Variants in STK38 observed in about 807,000 individuals in gnomAD.
STK38 encodes serine/threonine kinase 38.
In STK38, 26 loss-of-function variants were observed where a neutral mutation model predicts 59.0. That is an observed-to-expected ratio of 0.44 (90% CI 0.32 to 0.61). The LOEUF is 0.61. Among genes scored for constraint, STK38 ranks in the 20% least tolerant of loss-of-function variants. STK38 has a pLI of 0.04. For synonymous variants in STK38, 175 were observed against 176.6 expected, an observed-to-expected ratio of 0.99 and a Z score of 0.07; for missense variants, 433 against 566.0, an observed-to-expected ratio of 0.76 and a Z score of 2.38.
intron 2 of STK38, among the ~76,000 whole-genome samples, chr6:36,527,421 G>A (rs1340669888): frequency 6.7e-6 from 1 of 149,068 alleles, no homozygotes; most frequent in African/African-American, 2.5e-5. Context: ...CATAGTGACA[G>A]GTGCCTGTAA....
Position 36,498,462 on chromosome 6 carries a change from G to A in STK38, c.977C>T (p.Thr326Ile). 2 of 1,612,512 alleles carry A rather than the reference G, an allele frequency of 1.2e-6. No individual in the cohort carries two copies. The highest frequency in any genetic ancestry group is 2.2e-5 in the East Asian group (1 of 44,856). ...LIGYPPFCSE[T>I]PQETYKKVMN... ...CACCTTCTTATATGTCTCTTGAGGG[G>A]TCTCAGAACAGAAAGGTGGGTAGCC... Residue 326 changes from threonine (T) to isoleucine (I), a missense_variant, in exon 11 of 14, where the codon ACC becomes ATC. Physicochemically the swap from Thr to Ile is moderately conservative, Grantham distance 89. This residue lies in a region of STK38 where 4 missense variants were observed against 21.2 expected (regional missense o/e 0.19). Transcript: ENST00000229812.
chr6:36,541,616 A>C (rs1385110592), intron 1 of STK38, among the ~76,000 whole-genome samples: 1 of 152,204 alleles, frequency 6.6e-6, no homozygotes, highest in Non-Finnish European at 1.5e-5. Flanking sequence ...AATATGTCCA[A>C]ATAGTTAATG....
At chr6:36,506,796 G>A (rs999531108) in intron 8 of STK38, 152 bp from the exon 9 acceptor site, 47 of 666,644 alleles carry the variant, frequency 7.1e-5, no homozygotes, top group Admixed American at 1.2e-4. Flanking sequence ...ATCCTAGTAC[G>A]TTTACAGTAA....
At chr6:36,540,002 A>G (rs1561994143) in intron 2 of STK38, 70 bp downstream of exon 2, 21 of 1,592,610 alleles carry the variant, frequency 1.3e-5, no homozygotes, top group Admixed American at 8.5e-5. Context: ...TTTCAGCATT[A>G]TAAGTGTTTT....
At chr6:36,527,207 A>AAAAAATATAT (rs60162863) in intron 2 of STK38, among the ~76,000 whole-genome samples, 110 of 119,338 alleles carry the variant, frequency 9.2e-4, no homozygotes, top group Middle Eastern at 8.3e-3. Context: ...AAAAAAAAAA[A>AAAAAATATAT]ATATATGTAT....
chr6:36,505,024 G>A (rs1776932226), intron 9 of STK38, among the ~76,000 whole-genome samples: 1 of 152,056 alleles, frequency 6.6e-6, no homozygotes, highest in Non-Finnish European at 1.5e-5. Flanking sequence ...AACAACGCAG[G>A]AGCTATTATT....
rs150687852 is a variant in STK38, at chr6:36,539,083, A to T, written c.131+989T>A. Among the ~76,000 whole-genome samples the T allele has an allele frequency of 3.6e-3, 529 of 148,866 alleles. 1 individual carries two copies. The highest frequency in any genetic ancestry group is 0.012 in the African/African-American group (498 of 40,090). On this transcript the variant is annotated intron_variant, in intron 2 of 13. Transcript: ENST00000229812. ...CTTTCATAGTAAAATATTGGGAAAA[A>T]TTTTTTTTTAATTATGAGTTACAGC...
At chr6:36,526,299 A>C (rs1777512861) in intron 2 of STK38, among the ~76,000 whole-genome samples, 1 of 149,600 alleles carries the variant, frequency 6.7e-6, no homozygotes, top group Admixed American at 6.7e-5. Flanking sequence ...CTCTTATATC[A>C]TGCTGTTTCT....
At chr6:36,545,800 G>A (rs1778042161) in intron 1 of STK38, among the ~76,000 whole-genome samples, 1 of 152,176 alleles carries the variant, frequency 6.6e-6, no homozygotes, top group Non-Finnish European at 1.5e-5. Flanking sequence ...ATAGGTGGCT[G>A]AGGAATTCTT....
chr6:36,521,603 TTATA>T, intron 5 of STK38, 127 bp downstream of exon 5: 1 of 502,466 alleles, frequency 2.0e-6, no homozygotes, highest in South Asian at 4.4e-5. Context: ...AAAGGTAGTA[TTATA>T]TATATAGTCA....
chr6:36,495,939 T>C (rs775125478), intron 13 of STK38, 25 bp from the exon 14 acceptor site: 15 of 1,613,262 alleles, frequency 9.3e-6, no homozygotes, highest in African/African-American at 5.3e-5. Context: ...GATGTGAGAG[T>C]TGATTCACTG....
intron 2 of STK38, among the ~76,000 whole-genome samples, chr6:36,535,036 G>A (rs1777754442): frequency 6.6e-6 from 1 of 152,116 alleles, no homozygotes; most frequent in African/African-American, 2.4e-5. Context: ...CAACTGGACA[G>A]TGAAATTCTA....
chr6:36,523,296 T>C (rs1467118500), intron 4 of STK38, among the ~76,000 whole-genome samples: 1 of 146,320 alleles, frequency 6.8e-6, no homozygotes, highest in Non-Finnish European at 1.5e-5. Flanking sequence ...GGAGTCTTGC[T>C]CTGTCACCCA....
chr6:36,509,811 C>G (rs1482428650), intron 7 of STK38, among the ~76,000 whole-genome samples: 1 of 152,148 alleles, frequency 6.6e-6, no homozygotes, highest in African/African-American at 2.4e-5. Context: ...TCATCTATCG[C>G]TCGGTCGCAG....
intron 2 of STK38, among the ~76,000 whole-genome samples, chr6:36,530,818 T>C (rs558269961): frequency 2.0e-5 from 3 of 151,754 alleles, no homozygotes; most frequent in Admixed American, 2.0e-4. Context: ...ACCTCCCGAG[T>C]AGCTGGGATT....
At chr6:36,506,482 G>A in intron 9 of STK38, 101 bp downstream of exon 9, 1 of 1,201,922 alleles carries the variant, frequency 8.3e-7, no homozygotes, top group Non-Finnish European at 1.2e-6. Context: ...AAAAGCAAGG[G>A]ATATGTTGCA....
At chr6:36,509,880 T>C (rs912316220) in intron 7 of STK38, among the ~76,000 whole-genome samples, 4 of 152,172 alleles carry the variant, frequency 2.6e-5, no homozygotes, top group African/African-American at 7.2e-5. Context: ...CCGGAGTAGA[T>C]AGCTCCTTTC....
At chr6:36,527,191 CAAAAAA>C (rs777770396) in intron 2 of STK38, among the ~76,000 whole-genome samples, 3 of 46,040 alleles carry the variant, frequency 6.5e-5, no homozygotes, top group Non-Finnish European at 1.2e-4. Flanking sequence ...GACTCCGTCT[CAAAAAA>C]AAAAAAAAAA....
At chr6:36,510,216 C>G (rs1341273368) in intron 7 of STK38, among the ~76,000 whole-genome samples, 1 of 152,232 alleles carries the variant, frequency 6.6e-6, no homozygotes. Flanking sequence ...GACCTGCACC[C>G]AGGTGCTCTC....
Sources: gnomAD v4.1 joint callset for allele counts (sites outside exome capture counted in the v4.1 genomes callset) on GRCh38, gnomAD v4.1.1 for gene constraint, gnomAD v4.1.1 regional missense constraint, MANE v1.5 for transcripts, NCBI Gene and HGNC (gene_info 2026-07-23, HGNC 2026-07-21) for gene names.